The following CAST variants were observed in gnomAD, a reference collection of about 807,000 sequenced individuals.
CAST encodes MIR583 host.
In CAST, 76 loss-of-function variants were observed where a neutral mutation model predicts 119.6. The observed-to-expected ratio is 0.64, with a 90% confidence interval of 0.53 to 0.77. The LOEUF (loss-of-function observed/expected upper bound fraction) is 0.77. CAST is among the 30% of genes least tolerant of loss of function. The probability of loss-of-function intolerance (pLI) is 0.00; values close to 1 mark genes in which losing one functional copy is unlikely to be tolerated. For missense variants in CAST, 953 were observed against 946.5 expected (o/e 1.01, Z -0.09); for synonymous variants, 319 against 331.6 (o/e 0.96, Z 0.41).
the CAST span, among the ~76,000 whole-genome samples, chr5:96,300,094 A>C: frequency 1.3e-5 from 2 of 152,052 alleles, no homozygotes; most frequent in African/African-American, 2.4e-5. Context: ...GTTGTGCAGA[A>C]GTTTCTTATT....
chr5:96,375,680 A>G, the CAST span, among the ~76,000 whole-genome samples: 1 of 151,736 alleles, frequency 6.6e-6, no homozygotes, highest in East Asian at 1.9e-4. Context: ...ACTTTAAGTA[A>G]AGGAGATTAC....
chr5:96,676,662 C>T (rs1750745304), intron 2 of CAST, among the ~76,000 whole-genome samples: 1 of 151,758 alleles, frequency 6.6e-6, no homozygotes, highest in East Asian at 1.9e-4. Flanking sequence ...TAGAAGTAAA[C>T]ATATTAAGAT....
chr5:96,359,762 A>C, the CAST span, among the ~76,000 whole-genome samples: 2 of 152,132 alleles, frequency 1.3e-5, no homozygotes. Context: ...GTCTGCCCTT[A>C]ACATTTTTTC....
At chr5:96,035,392 C>T in the CAST span, among the ~76,000 whole-genome samples, 36 of 151,654 alleles carry the variant, frequency 2.4e-4, no homozygotes, top group East Asian at 1.2e-3. Flanking sequence ...ACTGTTTCAA[C>T]GCAATTATGA....
chr5:96,379,977 T>C, the CAST span, among the ~76,000 whole-genome samples: 4 of 152,190 alleles, frequency 2.6e-5, no homozygotes, highest in Admixed American at 6.5e-5. Flanking sequence ...TCTGGTTCAA[T>C]GTAGCCCTCC....
chr5:96,245,309 C>T, the CAST span, among the ~76,000 whole-genome samples: 1 of 152,128 alleles, frequency 6.6e-6, no homozygotes, highest in Non-Finnish European at 1.5e-5. Context: ...GATAAATAAC[C>T]ACAATACTAG....
the CAST span, among the ~76,000 whole-genome samples, chr5:96,300,562 A>G: frequency 2.7e-5 from 4 of 145,806 alleles, no homozygotes; most frequent in South Asian, 4.2e-4. Flanking sequence ...TTTTCAGCCA[A>G]TGCTTGCCTT....
chr5:96,179,674 G>A, the CAST span, among the ~76,000 whole-genome samples: 1 of 152,222 alleles, frequency 6.6e-6, no homozygotes, highest in Non-Finnish European at 1.5e-5. Context: ...GGGTATTTAA[G>A]GCAGAGGGAG....
At chr5:96,602,626 T>C (rs1354140687) in intron 1 of CAST, among the ~76,000 whole-genome samples, 1 of 152,172 alleles carries the variant, frequency 6.6e-6, no homozygotes, top group East Asian at 1.9e-4. Flanking sequence ...GGTGCATGCC[T>C]GTAATCCCAG....
the CAST span, among the ~76,000 whole-genome samples, chr5:96,459,169 G>C: frequency 0.19 from 28,248 of 152,082 alleles, 2,841 homozygotes; most frequent in Middle Eastern, 0.26. Flanking sequence ...CTAAGAGTGA[G>C]AAGTGAATAA....
At chr5:96,541,199 A>G (rs929914371) in intron 1 of CAST, among the ~76,000 whole-genome samples, 1 of 152,168 alleles carries the variant, frequency 6.6e-6, no homozygotes, top group Non-Finnish European at 1.5e-5. Flanking sequence ...TCTCATGAAT[A>G]TCTATTTTAT....
At chr5:96,397,961 G>A in the CAST span, among the ~76,000 whole-genome samples, 1 of 151,754 alleles carries the variant, frequency 6.6e-6, no homozygotes, top group South Asian at 2.1e-4. Context: ...TTTAATTAAT[G>A]TATTAATTTC....
chr5:96,361,879 C>CA, the CAST span, among the ~76,000 whole-genome samples: 9 of 145,314 alleles, frequency 6.2e-5, no homozygotes, highest in African/African-American at 2.3e-4. Context: ...TACATGTGCA[C>CA]AACGTGCAGG....
At chr5:96,728,866 A>G (rs913523489) in intron 6 of CAST, 3 of 310,882 alleles carry the variant, frequency 9.6e-6, no homozygotes, top group African/African-American at 6.7e-5. Context: ...GTGAAAAACA[A>G]CCAGTAATTT....
At chr5:96,284,829 G>A in the CAST span, among the ~76,000 whole-genome samples, 2 of 152,156 alleles carry the variant, frequency 1.3e-5, no homozygotes, top group Non-Finnish European at 2.9e-5. Flanking sequence ...TTTAGAGAAG[G>A]ACATGCACTT....
At position 96,765,331 on chromosome 5, in the gene CAST, A is replaced by T. The variant is rs1163928100; in HGVS notation, c.2037+6A>T. ...CAATGGAAGATAAAGTAAAGGTAAA[A>T]AAAAAAAAAAAAAAAAAAAAAATTC... On this transcript the variant is annotated splice_donor_region_variant and intron_variant, in intron 26 of 31. Transcript: ENST00000675179. The T allele has an allele frequency of 9.2e-6, 2 of 217,402 alleles. No individual in the cohort carries two copies. The highest frequency in any genetic ancestry group is 1.4e-4 in the East Asian group (1 of 6,918). The allele number at this position is 217,402 out of a possible 1,614,324, so 13.5% of individuals were successfully genotyped here. A position where few individuals can be genotyped will look rare whatever the true frequency, so the allele number is the denominator to read the frequency against.
the CAST span, among the ~76,000 whole-genome samples, chr5:96,176,243 TGAAGTGTATAGTTCAA>T: frequency 3.9e-5 from 6 of 152,168 alleles, no homozygotes; most frequent in Non-Finnish European, 8.8e-5. Context: ...TGCATTTGGC[TGAAGTGTATAGTTCAA>T]GAGATAAAGT....
At chr5:96,609,945 T>A (rs1179548238) in intron 1 of CAST, among the ~76,000 whole-genome samples, 1 of 151,796 alleles carries the variant, frequency 6.6e-6, no homozygotes, top group Non-Finnish European at 1.5e-5. Context: ...GGAGATGAGA[T>A]TTGGGAGGGG....
intron 13 of CAST, 34 bp from the exon 14 acceptor site, chr5:96,741,232 C>A: frequency 8.3e-7 from 1 of 1,204,294 alleles, no homozygotes; most frequent in South Asian, 1.3e-5. Flanking sequence ...GAGTGCTTCC[C>A]GTAAGTTACC....
Sources: allele counts gnomAD v4.1 joint callset (sites outside exome capture counted in the v4.1 genomes callset), GRCh38; gene constraint gnomAD v4.1.1; transcripts MANE v1.5; gene names NCBI Gene and HGNC (gene_info 2026-07-23, HGNC 2026-07-21).